HELZ: variants seen among roughly 807,000 people sequenced by gnomAD.
HELZ encodes ATP-dependent RNA helicase with zinc finger domain.
In HELZ, 23 loss-of-function variants were observed where a neutral mutation model predicts 218.2. The ratio of observed to expected loss-of-function variants is 0.11; its 90% CI spans 0.08 to 0.15. HELZ has a LOEUF of 0.15. Ranked by LOEUF, HELZ falls within the 10% of genes least tolerant of loss-of-function variation. The pLI, the probability that HELZ is intolerant of heterozygous loss-of-function variation, is 1.00. For missense variants in HELZ, 1,813 were observed against 2,353.7 expected (o/e 0.77, Z 4.75); for synonymous variants, 814 against 829.4 (o/e 0.98, Z 0.32).
intron 3 of HELZ, among the ~76,000 whole-genome samples, chr17:67,223,883 C>T (rs1441430505): frequency 1.3e-5 from 2 of 152,196 alleles, no homozygotes; most frequent in Admixed American, 1.3e-4. Flanking sequence ...AATCAGAAAC[C>T]AGGACTCTAA....
chr17:67,233,029 A>G (rs9900548), intron 3 of HELZ, among the ~76,000 whole-genome samples: 45,922 of 152,110 alleles, frequency 0.3, 9,287 homozygotes, highest in African/African-American at 0.58. Flanking sequence ...AGCTACTGGG[A>G]AGGCTGAGGC....
chr17:67,088,044 C>T (rs1485348997), intron 31 of HELZ, among the ~76,000 whole-genome samples: 1 of 152,130 alleles, frequency 6.6e-6, no homozygotes, highest in Non-Finnish European at 1.5e-5. Context: ...CATGAATTAC[C>T]CACAGTCCCC....
At chr17:67,192,450 C>A (rs2039922512) in intron 9 of HELZ, among the ~76,000 whole-genome samples, 1 of 152,096 alleles carries the variant, frequency 6.6e-6, no homozygotes, top group Non-Finnish European at 1.5e-5. Context: ...TTATTAAATT[C>A]TCTTACACTT....
At chr17:67,240,383 G>T (rs998697983) in intron 2 of HELZ, among the ~76,000 whole-genome samples, 1 of 152,148 alleles carries the variant, frequency 6.6e-6, no homozygotes, top group Non-Finnish European at 1.5e-5. Context: ...GACAGAAGAA[G>T]AACAGAGGCT....
chr17:67,101,512 T>C (rs1011607467), intron 31 of HELZ, among the ~76,000 whole-genome samples: 4 of 152,070 alleles, frequency 2.6e-5, no homozygotes, highest in Admixed American at 2.6e-4. Flanking sequence ...AGTCCAGAAA[T>C]AGATCACAAT....
intron 3 of HELZ, among the ~76,000 whole-genome samples, chr17:67,222,184 G>C (rs539166312): frequency 2.0e-5 from 3 of 151,962 alleles, no homozygotes; most frequent in Admixed American, 1.3e-4. Context: ...CATACAATAC[G>C]GTATAGACAA....
Position 67,145,873 on chromosome 17 carries a change from A to T in HELZ, c.2639T>A (p.Phe880Tyr). ...ACTGGCCATCAGTTTGCCCTCATAGAAAAGCTCAGAGGTATAACTGCAGTA... is the reference window on the plus strand; with the variant it reads ...ACTGGCCATCAGTTTGCCCTCATAGTAAAGCTCAGAGGTATAACTGCAGTA... ...EAIINYTSELFYEGKLMASGK... is the reference protein window; with the variant it reads ...EAIINYTSELYYEGKLMASGK... The change falls in exon 21 of 33, where the codon TTC becomes TAC. Residue 880 changes from phenylalanine to tyrosine, a missense_variant. Around this residue, in one of 4 missense-constraint regions of HELZ, gnomAD observed 156 missense variants for 274.4 expected, o/e 0.57. Coordinates refer to ENST00000358691, the MANE Select transcript of HELZ (RefSeq NM_014877.4). The T allele has an allele frequency of 6.2e-7, 1 of 1,613,640 alleles. No individual in the cohort carries two copies. Among genetic ancestry groups the T allele is most frequent in the Non-Finnish European group, 8.5e-7 (1 of 1,179,824 alleles).
chr17:67,114,223 A>G (rs902589853), intron 28 of HELZ, 101 bp downstream of exon 28: 56 of 768,602 alleles, frequency 7.3e-5, no homozygotes, highest in African/African-American at 6.9e-4. Flanking sequence ...AACATAAAGG[A>G]TAAGTGTACA....
At chr17:67,224,585 C>G (rs2040841188) in intron 3 of HELZ, 1 of 464,082 alleles carries the variant, frequency 2.2e-6, no homozygotes, top group South Asian at 2.1e-5. Flanking sequence ...TAACAATGAT[C>G]ATGTTATTTA....
At chr17:67,092,457 A>G (rs1435065431) in intron 31 of HELZ, among the ~76,000 whole-genome samples, 3 of 152,188 alleles carry the variant, frequency 2.0e-5, no homozygotes, top group African/African-American at 7.2e-5. Flanking sequence ...TATACAGGAA[A>G]CAGCTGGACT....
At chr17:67,091,349 G>A (rs369100689) in intron 31 of HELZ, among the ~76,000 whole-genome samples, 1 of 151,810 alleles carries the variant, frequency 6.6e-6, no homozygotes, top group East Asian at 1.9e-4. Flanking sequence ...ACTAATAAAG[G>A]GCAAGGATTA....
At chr17:67,173,291 A>G (rs1214111529) in intron 13 of HELZ, among the ~76,000 whole-genome samples, 1 of 152,212 alleles carries the variant, frequency 6.6e-6, no homozygotes, top group Non-Finnish European at 1.5e-5. Context: ...AAATTTAGTA[A>G]CTCAGAAATA....
At position 67,108,867 on chromosome 17, in the gene HELZ, A is replaced by G. The variant is rs2037190267; in HGVS notation, c.4490-141T>C. 1.4e-6 allele frequency: 1 copy of G among 727,074 alleles called. No individual in the cohort carries two copies. Among genetic ancestry groups the G allele is most frequent in the South Asian group, 2.0e-5 (1 of 48,812 alleles). 45.0% of individuals were successfully genotyped at this position (727,074 alleles called of 1,614,324 possible). On this transcript the variant is annotated intron_variant, in intron 29 of 32. Transcript: ENST00000358691. This position sits in a 1 kb window ranked among gnomAD's most constrained non-coding sequence, Gnocchi z 4.1. The stretch of plus-strand genomic sequence containing the variant: ...TTTTGGTAAGAAGTAAATGTTTTCT[A>G]AATTTGCCAGAAATCAGTTATGGTG...
At chr17:67,197,122 G>C (rs1172513706) in intron 7 of HELZ, among the ~76,000 whole-genome samples, 1 of 152,156 alleles carries the variant, frequency 6.6e-6, no homozygotes, top group Non-Finnish European at 1.5e-5. Context: ...TGTGTTGTGG[G>C]AGGGACCCAG....
At chr17:67,137,184 A>G (rs2038179986) in intron 22 of HELZ, among the ~76,000 whole-genome samples, 1 of 152,144 alleles carries the variant, frequency 6.6e-6, no homozygotes, top group African/African-American at 2.4e-5. Context: ...CCCTCACCCT[A>G]TGACAAATCT....
At chr17:67,125,576 A>G (rs962150658) in intron 24 of HELZ, among the ~76,000 whole-genome samples, 1 of 151,730 alleles carries the variant, frequency 6.6e-6, no homozygotes, top group Admixed American at 6.6e-5. Context: ...CAGACCTATC[A>G]CTAATTTGCT....
chr17:67,126,885 G>A (rs933823278), intron 24 of HELZ, among the ~76,000 whole-genome samples: 4 of 150,256 alleles, frequency 2.7e-5, no homozygotes, highest in African/African-American at 9.7e-5. Flanking sequence ...TAATAATAAT[G>A]TAGCACTAAG....
chr17:67,157,734 A>G (rs2038884758), intron 17 of HELZ, among the ~76,000 whole-genome samples: 1 of 152,242 alleles, frequency 6.6e-6, no homozygotes, highest in Non-Finnish European at 1.5e-5. Context: ...TAGTAAATTT[A>G]TATGCAACAA....
intron 23 of HELZ, among the ~76,000 whole-genome samples, chr17:67,134,598 C>T (rs1451579909): frequency 6.6e-6 from 1 of 151,920 alleles, no homozygotes; most frequent in Non-Finnish European, 1.5e-5. Context: ...TAGCTTTCCC[C>T]TATAAAGGAT....
Sources: allele counts gnomAD v4.1 joint callset (sites outside exome capture counted in the v4.1 genomes callset), GRCh38; gene constraint gnomAD v4.1.1; regional missense constraint gnomAD v4.1.1; non-coding constraint Gnocchi (gnomAD v3.1); transcripts MANE v1.5; gene names NCBI Gene and HGNC (gene_info 2026-07-23, HGNC 2026-07-21).